DAB2IP: variants seen among roughly 807,000 people sequenced by gnomAD.
DAB2IP encodes disabled homolog 2-interacting protein.
A neutral mutation model predicts 107.2 loss-of-function variants in DAB2IP; 28 were observed. The ratio of observed to expected loss-of-function variants is 0.26; its 90% CI spans 0.19 to 0.36. The LOEUF (loss-of-function observed/expected upper bound fraction) is 0.36, where lower values mean the gene tolerates loss of function less well. DAB2IP is among the 10% of genes least tolerant of loss of function. The probability of loss-of-function intolerance (pLI) is 1.00; values close to 1 mark genes in which losing one functional copy is unlikely to be tolerated. For synonymous variants in DAB2IP, 755 were observed against 706.4 expected (o/e 1.07, Z -1.09); for missense variants, 1,400 against 1,644.7 (o/e 0.85, Z 2.57).
chr9:121,695,236 C>A (rs1465875595), intron 2 of DAB2IP, among the ~76,000 whole-genome samples: 2 of 152,174 alleles, frequency 1.3e-5, no homozygotes, highest in Non-Finnish European at 2.9e-5. Context: ...ATGTCCCTGT[C>A]CCCCTGCCGG....
chr9:121,620,985 G>A (rs997180790), intron 1 of DAB2IP, among the ~76,000 whole-genome samples: 1 of 152,148 alleles, frequency 6.6e-6, no homozygotes, highest in Non-Finnish European at 1.5e-5. Flanking sequence ...TTCCTCTCTC[G>A]CATTCACCTG....
intron 1 of DAB2IP, among the ~76,000 whole-genome samples, chr9:121,568,106 G>A (rs1829850833): frequency 6.6e-6 from 1 of 152,206 alleles, no homozygotes; most frequent in Non-Finnish European, 1.5e-5. Context: ...GCTTGGGTCA[G>A]GTCAGCCTTC....
At chr9:121,592,433 G>A (rs1380447146) in intron 1 of DAB2IP, among the ~76,000 whole-genome samples, 3 of 152,222 alleles carry the variant, frequency 2.0e-5, no homozygotes, top group East Asian at 1.9e-4. Flanking sequence ...TGGCTAGGCC[G>A]TTTGCATGGG....
At chr9:121,770,500 A>T in intron 10 of DAB2IP, 46 bp from the exon 11 acceptor site, 2 of 1,591,084 alleles carry the variant, frequency 1.3e-6, no homozygotes, top group Middle Eastern at 1.7e-4. Context: ...CAGCCTACCC[A>T]TGTGGTCCCA....
intron 12 of DAB2IP, 98 bp from the exon 13 acceptor site, chr9:121,774,162 C>G: frequency 1.5e-6 from 2 of 1,343,744 alleles, no homozygotes. Context: ...CCACCGTGTC[C>G]CAGAGTTGCT....
intron 3 of DAB2IP, among the ~76,000 whole-genome samples, chr9:121,744,137 T>A (rs899529549): frequency 6.6e-6 from 1 of 152,192 alleles, no homozygotes; most frequent in Non-Finnish European, 1.5e-5. Context: ...AACCTTTGGC[T>A]GGCTGGGTGG....
At chr9:121,746,400 T>TTG (rs1415874958) in intron 3 of DAB2IP, among the ~76,000 whole-genome samples, 1 of 152,058 alleles carries the variant, frequency 6.6e-6, no homozygotes, top group Non-Finnish European at 1.5e-5. Flanking sequence ...TCACAGAGTT[T>TTG]TGTGTGTGTG....
At chr9:121,728,737 A>G (rs777619056) in intron 3 of DAB2IP, among the ~76,000 whole-genome samples, 5 of 151,808 alleles carry the variant, frequency 3.3e-5, no homozygotes, top group Non-Finnish European at 5.9e-5. Flanking sequence ...CTTGATTTCA[A>G]CATGCACTAG....
At chr9:121,592,823 G>GGAAGCT (rs1830444001) in intron 1 of DAB2IP, among the ~76,000 whole-genome samples, 1 of 152,146 alleles carries the variant, frequency 6.6e-6, no homozygotes, top group South Asian at 2.1e-4. Context: ...CCCTACAGAT[G>GGAAGCT]GAAGCTGACA....
At chr9:121,649,650 G>A (rs914248705), upstream of DAB2IP, among the ~76,000 whole-genome samples, 1 of 152,194 alleles carries the variant, frequency 6.6e-6, no homozygotes, top group African/African-American at 2.4e-5. Context: ...CCGTGGACCT[G>A]GCTACGGAGG....
At chr9:121,774,435 C>T (rs1158489915) in intron 13 of DAB2IP, 23 bp downstream of exon 13, 20 of 1,591,210 alleles carry the variant, frequency 1.3e-5, no homozygotes, top group Admixed American at 1.8e-5. Flanking sequence ...CCTGGCGGCT[C>T]GGGACAGGGC....
At chr9:121,739,855 G>A (rs1832205698) in intron 3 of DAB2IP, among the ~76,000 whole-genome samples, 1 of 152,152 alleles carries the variant, frequency 6.6e-6, no homozygotes, top group Admixed American at 6.5e-5. Context: ...TTGTGCTAAG[G>A]AAGTGTCTCC....
intron 1 of DAB2IP, among the ~76,000 whole-genome samples, chr9:121,603,766 C>T (rs1413361005): frequency 1.3e-5 from 2 of 152,100 alleles, no homozygotes; most frequent in Non-Finnish European, 2.9e-5. Context: ...GGCTTTTTGT[C>T]CAGATCTCTG....
chr9:121,611,860 C>T (rs886999682), intron 1 of DAB2IP, among the ~76,000 whole-genome samples: 5 of 152,204 alleles, frequency 3.3e-5, no homozygotes, highest in Non-Finnish European at 5.9e-5. Context: ...GCTGGGATTA[C>T]AGGCATGAGC....
chr9:121,775,349 C>A (rs1317869147), intron 13 of DAB2IP, among the ~76,000 whole-genome samples: 1 of 152,218 alleles, frequency 6.6e-6, no homozygotes, highest in Non-Finnish European at 1.5e-5. Flanking sequence ...CCGCCACCAT[C>A]CCCGGTCCGC....
chr9:121,597,604 A>T (rs1329758317), intron 1 of DAB2IP, among the ~76,000 whole-genome samples: 1 of 152,206 alleles, frequency 6.6e-6, no homozygotes, highest in Non-Finnish European at 1.5e-5. Flanking sequence ...CAGCTCTCTC[A>T]TCACGTTTTA....
At chr9:121,781,517 C>T (rs1236177489) in exon 15 of DAB2IP, 2 of 1,614,046 alleles carry the variant, frequency 1.2e-6, no homozygotes, top group South Asian at 1.1e-5. Flanking sequence ...ATGCAAGCGG[C>T]TGTGGACTCC....
At chr9:121,718,518 C>A (rs1011843457) in intron 3 of DAB2IP, among the ~76,000 whole-genome samples, 6 of 152,174 alleles carry the variant, frequency 3.9e-5, no homozygotes, top group Non-Finnish European at 8.8e-5. Context: ...ATCACCCACT[C>A]CCCTGAGCCA....
intron 5 of DAB2IP, 124 bp from the exon 6 acceptor site, chr9:121,759,761 C>G: frequency 1.2e-6 from 1 of 818,632 alleles, no homozygotes; most frequent in South Asian, 1.8e-5. Context: ...AGGGCCTAGG[C>G]GCCCGCTGCC....
Sources: gnomAD v4.1 joint callset for allele counts (sites outside exome capture counted in the v4.1 genomes callset) on GRCh38, gnomAD v4.1.1 for gene constraint, MANE v1.5 for transcripts, NCBI Gene and HGNC (gene_info 2026-07-23, HGNC 2026-07-21) for gene names.